KIF15: variants seen among roughly 807,000 people sequenced by gnomAD.
The protein encoded by KIF15 is kinesin family member 15.
Under a neutral mutation model 190.6 loss-of-function variants are expected in KIF15, and 140 were observed. The observed-to-expected ratio is 0.73, with a 90% confidence interval of 0.64 to 0.84. The LOEUF (loss-of-function observed/expected upper bound fraction) is 0.84, where lower values mean the gene tolerates loss of function less well. KIF15 is among the 40% of genes least tolerant of loss of function. The pLI, the probability that KIF15 is intolerant of heterozygous loss-of-function variation, is 0.00. For synonymous variants in KIF15, 528 were observed against 551.3 expected (o/e 0.96, Z 0.59); for missense variants, 1,372 against 1,584.4 (o/e 0.87, Z 2.28).
intron 20 of KIF15, among the ~76,000 whole-genome samples, chr3:44,821,588 T>G (rs1697326911): frequency 6.6e-6 from 1 of 151,714 alleles, no homozygotes; most frequent in Admixed American, 6.6e-5. Context: ...GAGGCGCTCC[T>G]CACTTCCTAG....
chr3:44,807,036 G>A (rs907137624), intron 16 of KIF15, among the ~76,000 whole-genome samples: 14 of 152,170 alleles, frequency 9.2e-5, no homozygotes, highest in Admixed American at 4.6e-4. Context: ...GAGCCACTGC[G>A]CTGGCCTCAA....
intron 10 of KIF15, among the ~76,000 whole-genome samples, chr3:44,799,448 T>G (rs1707152995): frequency 6.6e-6 from 1 of 152,136 alleles, no homozygotes; most frequent in African/African-American, 2.4e-5. Flanking sequence ...GCTGGAGTAC[T>G]GAGTATTTCA....
At position 44,858,578 on chromosome 3, in the gene KIF15, G is replaced by A. The variant is rs111944486; in HGVS notation, c.*59+5784G>A. Among the ~76,000 whole-genome samples, 3 of 152,278 alleles carry A rather than the reference G, an allele frequency of 2.0e-5. 1 individual carries two copies. The highest frequency in any genetic ancestry group is 7.2e-5 in the African/African-American group (3 of 41,554). ...AAAGGAGGCTTTCGGTTGGGAAGAA[G>A]GGTGGCAATGAGATGTGGCTGTAGT... On this transcript the variant is annotated intron_variant and NMD_transcript_variant, in intron 6 of 6. Transcript: ENST00000422209.
chr3:44,855,674 G>A (rs145784503), downstream of KIF15, among the ~76,000 whole-genome samples: 1,399 of 152,156 alleles, frequency 9.2e-3, 22 homozygotes, highest in African/African-American at 0.032. Flanking sequence ...GGGGTGAGGG[G>A]TGATATTGTG....
In KIF15 at chr3:44,801,460, G is replaced by C. The variant is rs1379694535; in HGVS notation, c.1233G>C (p.Lys411Asn). The C allele has an allele frequency of 6.4e-7, 1 of 1,558,732 alleles. No homozygotes were observed. Among genetic ancestry groups the C allele is most frequent in the African/African-American group, 1.4e-5 (1 of 73,632 alleles). ...PESFLTRDKK[K>N]TNYMEYFQEA... ...TTGGATCAATTACAGACAAAAAGAA[G>C]ACTAACTATATGGAGTATTTCCAGG... Residue 411 changes from lysine (K) to asparagine (N), a missense_variant, in exon 12 of 35, where the codon AAG becomes AAC. By Grantham distance (94) the Lys-to-Asn change is moderately conservative (BLOSUM62 0). Transcript: ENST00000326047.
intron 1 of KIF15, among the ~76,000 whole-genome samples, chr3:44,766,200 A>C (rs1343252853): frequency 1.4e-4 from 21 of 152,062 alleles, no homozygotes; most frequent in Admixed American, 1.4e-3. Flanking sequence ...AGAGATTAGG[A>C]GTTATCTGTT....
intron 7 of KIF15, among the ~76,000 whole-genome samples, chr3:44,791,809 C>T (rs1447394047): frequency 1.3e-5 from 2 of 152,278 alleles, no homozygotes; most frequent in African/African-American, 4.8e-5. Context: ...CCTCCACCTC[C>T]TGGGTTCAAG....
rs371620246 is a variant in KIF15, at chr3:44,852,096, G to C, written c.3973-112G>C. 43 of 1,442,066 alleles carry C rather than the reference G, an allele frequency of 3.0e-5. No individual in the cohort carries two copies. The African/African-American group carries it at 5.1e-4, about 17-fold the overall frequency. The allele number at this position is 1,442,066 out of a possible 1,614,324, so 89.3% of individuals were successfully genotyped here. ...AGAGTTGTGAGGCCTTGAAAGCTGG[G>C]ATTCTGGACTCTCTGACTTCCTGTG... is the stretch of plus-strand genomic sequence containing the variant. On this transcript the variant is annotated intron_variant, in intron 33 of 34. Transcript: ENST00000326047.
intron 6 of KIF15, among the ~76,000 whole-genome samples, chr3:44,867,903 T>C (rs1575704516): frequency 6.6e-6 from 1 of 152,268 alleles, no homozygotes; most frequent in African/African-American, 2.4e-5. Context: ...GAACTTTGTT[T>C]GCTTGGAGCT....
chr3:44,844,733 T>G (rs755038026), intron 30 of KIF15, among the ~76,000 whole-genome samples: 1 of 151,750 alleles, frequency 6.6e-6, no homozygotes, highest in Non-Finnish European at 1.5e-5. Context: ...CCAATAAGAG[T>G]CTGGGGAGCC....
At position 44,852,330 on chromosome 3, in the gene KIF15, G is replaced by T. The variant is rs931416493; in HGVS notation, c.4095G>T (p.Arg1365Ser). Residue 1365 changes from arginine to serine, a missense_variant, in exon 34 of 35, where the codon AGG becomes AGT. Arg to Ser is a moderately radical substitution (Grantham distance 110, BLOSUM62 -1). Transcript: ENST00000326047. ...TGCGACTAAAGAAGGAAAATGTCAG[G>T]CTTGCTGAGGTAAACCTAAAAATTA... ...YVVRLKKENVRLAEETEKLRA... is the reference protein window; with the variant it reads ...YVVRLKKENVSLAEETEKLRA... The T allele has an allele frequency of 2.5e-6, 4 of 1,606,566 alleles. No homozygotes were observed. Among genetic ancestry groups the T allele is most frequent in the African/African-American group, 2.7e-5 (2 of 74,746 alleles).
chr3:44,821,490 G>A (rs558973332), intron 20 of KIF15, among the ~76,000 whole-genome samples: 21 of 151,972 alleles, frequency 1.4e-4, no homozygotes, highest in African/African-American at 4.8e-4. Context: ...CAGACGGGGC[G>A]GCGGGGCAGA....
chr3:44,856,074 C>T (rs1328514077), downstream of KIF15, among the ~76,000 whole-genome samples: 1 of 151,760 alleles, frequency 6.6e-6, no homozygotes, highest in African/African-American at 2.4e-5. Context: ...CTAATAAAGG[C>T]CGGTCCGTTA....
chr3:44,839,198 G>T (rs1367411563), intron 27 of KIF15, among the ~76,000 whole-genome samples: 1 of 151,712 alleles, frequency 6.6e-6, no homozygotes, highest in Non-Finnish European at 1.5e-5. Flanking sequence ...GTGAACCCCC[G>T]TCTCTACTGA....
intron 10 of KIF15, 88 bp downstream of exon 10, chr3:44,798,044 C>A: frequency 8.5e-7 from 1 of 1,177,650 alleles, no homozygotes; most frequent in Non-Finnish European, 1.2e-6. Context: ...CTAATATTAA[C>A]ATTAACTTTT....
chr3:44,829,786 A>G (rs1382467592), intron 24 of KIF15, among the ~76,000 whole-genome samples, 185 bp from the exon 25 acceptor site: 1 of 138,114 alleles, frequency 7.2e-6, no homozygotes, highest in African/African-American at 2.9e-5. Flanking sequence ...TATATATATA[A>G]TATATGCATA....
intron 6 of KIF15, chr3:44,861,747 A>G: frequency 1.6e-6 from 1 of 642,776 alleles, no homozygotes; most frequent in South Asian, 2.1e-5. Context: ...GGAGGCCGCC[A>G]CAGCCCAGGG....
At chr3:44,822,930 C>T (rs1204806005) in intron 20 of KIF15, among the ~76,000 whole-genome samples, 1 of 152,140 alleles carries the variant, frequency 6.6e-6, no homozygotes, top group Non-Finnish European at 1.5e-5. Context: ...AGGTTTTTAG[C>T]TTCCTTGCAT....
chr3:44,834,141 A>T (rs1698198595), intron 26 of KIF15, among the ~76,000 whole-genome samples: 1 of 152,218 alleles, frequency 6.6e-6, no homozygotes, highest in Non-Finnish European at 1.5e-5. Context: ...AGTGGAATTG[A>T]CCCTATAAAC....
Sources: gnomAD v4.1 joint callset for allele counts (sites outside exome capture counted in the v4.1 genomes callset) on GRCh38, gnomAD v4.1.1 for gene constraint, MANE v1.5 for transcripts, NCBI Gene and HGNC (gene_info 2026-07-23, HGNC 2026-07-21) for gene names.